The following WDR11 variants were observed in gnomAD, a reference collection of about 807,000 sequenced individuals.
WDR11 encodes the protein WD repeat-containing protein 11.
In WDR11, 83 loss-of-function variants were observed where a neutral mutation model predicts 151.2. That is an observed-to-expected ratio of 0.55 (90% CI 0.46 to 0.66). WDR11 has a LOEUF of 0.66. Ranked by LOEUF, WDR11 falls within the 30% of genes least tolerant of loss-of-function variation. The pLI, the probability that WDR11 is intolerant of heterozygous loss-of-function variation, is 0.00. For synonymous variants in WDR11, 484 were observed against 533.1 expected (o/e 0.91, Z 1.27); for missense variants, 1,301 against 1,480.9 (o/e 0.88, Z 1.99).
At position 120,900,073 on chromosome 10, in the gene WDR11, G is replaced by A; in HGVS notation, c.2560G>A (p.Ala854Thr). The change falls in exon 20 of 29, where the codon GCC (alanine) becomes ACC (threonine). Residue 854 changes from alanine (A) to threonine (T), a missense_variant. By Grantham distance (58) the Ala-to-Thr change is moderately conservative. Coordinates refer to ENST00000263461, the MANE Select transcript of WDR11 (RefSeq NM_018117.12). Reference protein sequence around the residue: ...PYLLVPRASLALKAFLLHQPW... With the variant: ...PYLLVPRASLTLKAFLLHQPW... ...TCTCCTTGTTCCAAGGGCCTCTCTT[G>A]CCTTGAAAGCCTTCTTATTACACCA... 4 of 1,614,048 alleles carry A rather than the reference G, an allele frequency of 2.5e-6. No homozygotes were observed. The highest frequency in any genetic ancestry group is 3.4e-6 in the Non-Finnish European group (4 of 1,179,990).
intron 27 of WDR11, 54 bp downstream of exon 27, chr10:120,906,075 A>G (rs757678255): frequency 1.2e-6 from 2 of 1,612,124 alleles, no homozygotes; most frequent in East Asian, 4.5e-5. Flanking sequence ...CAGTCACTTC[A>G]TGTTCTCTCG....
intron 2 of WDR11, among the ~76,000 whole-genome samples, chr10:120,855,502 T>A (rs1265246506): frequency 1.3e-5 from 2 of 152,232 alleles, no homozygotes; most frequent in African/African-American, 4.8e-5. Context: ...TTTTTCATTT[T>A]GATGTAGTCC....
chr10:120,856,615 G>A (rs1246451682), intron 2 of WDR11, among the ~76,000 whole-genome samples: 2 of 148,726 alleles, frequency 1.3e-5, no homozygotes, highest in African/African-American at 4.9e-5. Context: ...CTATCTTCAA[G>A]CTTACATAGT....
Position 120,885,814 on chromosome 10 carries a change from G to T in WDR11, c.1849G>T (p.Glu617Ter), listed in dbSNP as rs1847196520. ...SKNFPTITAL[E>*]WSPSHNLKSL... The stretch of plus-strand genomic sequence containing the variant: ...AGGTTTGTCTGCATTTGCTTTACAG[G>T]AGTGGTCACCATCTCACAACTTGAA... Residue 617 changes from glutamate (E) to a stop codon, truncating the protein, a stop_gained and splice_region_variant, in exon 15 of 29, where the codon GAG becomes TAG. Transcript: ENST00000263461. LOFTEE classifies it high-confidence loss of function. The T allele has an allele frequency of 6.2e-7, 1 of 1,613,636 alleles. No individual in the cohort carries two copies. Among genetic ancestry groups the T allele is most frequent in the South Asian group, 1.1e-5 (1 of 91,060 alleles).
intron 28 of WDR11, chr10:120,907,232 A>C (rs1329933893): frequency 3.8e-6 from 1 of 265,324 alleles, no homozygotes; most frequent in African/African-American, 2.2e-5. Flanking sequence ...TAAATTTTAT[A>C]TATTTATCTA....
chr10:120,859,692 C>A (rs1470707136), intron 3 of WDR11, among the ~76,000 whole-genome samples: 2 of 152,040 alleles, frequency 1.3e-5, no homozygotes, highest in Non-Finnish European at 2.9e-5. Flanking sequence ...TAGATCTTTG[C>A]ATATTCTGTT....
At chr10:120,871,481 T>A in intron 10 of WDR11, 135 bp downstream of exon 10, 2 of 877,354 alleles carry the variant, frequency 2.3e-6, no homozygotes, top group Non-Finnish European at 3.3e-6. Context: ...CTGTAAATAC[T>A]CATCCTGGAA....
intron 14 of WDR11, chr10:120,885,230 G>A (rs1226438439): frequency 6.5e-6 from 1 of 153,184 alleles, no homozygotes; most frequent in Non-Finnish European, 1.4e-5. Context: ...ACAGGAGGAA[G>A]AGGACTTAAA....
chr10:120,854,994 C>G (rs985384887), intron 2 of WDR11, among the ~76,000 whole-genome samples: 1 of 152,140 alleles, frequency 6.6e-6, no homozygotes, highest in African/African-American at 2.4e-5. Context: ...TACATACTTA[C>G]TTATGATAAA....
intron 1 of WDR11, 57 bp downstream of exon 1, chr10:120,851,563 G>T (rs527668426): frequency 2.5e-6 from 4 of 1,573,874 alleles, no homozygotes; most frequent in African/African-American, 1.3e-5. Flanking sequence ...TGAGGGGGAA[G>T]GGGGAAGGAC....
chr10:120,890,856 G>C lies in WDR11; in HGVS notation c.2484G>C (p.Ala828=). ...IRVLEMSMKS[A]CFRMDEQELT... ...TCCTAGAGATGTCTATGAAGTCTGC[G>C]TGCTTTAGAATGGATGAACAAGAGT... Residue 828 remains alanine (A), a synonymous_variant, in exon 19 of 29, where the codon GCG becomes GCC. Transcript: ENST00000263461. The C allele has an allele frequency of 6.2e-7, 1 of 1,614,142 alleles. No individual in the cohort carries two copies. The highest frequency in any genetic ancestry group is 8.5e-7 in the Non-Finnish European group (1 of 1,180,024).
rs1845784008 is a variant in WDR11 at position 120,851,778 on chromosome 10, A to G, written c.86+272A>G. 2.7e-5 allele frequency: 15 copies of G among 551,668 alleles called. No homozygotes were observed. In the South Asian group the frequency reaches 2.9e-4, roughly 10 times the overall value. The allele number at this position is 551,668 out of a possible 1,614,324, so 34.2% of individuals were successfully genotyped here. A position where few individuals can be genotyped will look rare whatever the true frequency, so the allele number is the denominator to read the frequency against. On this transcript the variant is annotated intron_variant, in intron 1 of 28. Coordinates refer to ENST00000263461, the MANE Select transcript of WDR11 (RefSeq NM_018117.12). ...CTGCACCTCGCCCTTTTGCCGTTCC[A>G]TTCCTCTCTCTTTTCCTCTCCTCCA...
chr10:120,894,012 T>G (rs1167658955), intron 19 of WDR11, among the ~76,000 whole-genome samples: 1 of 151,752 alleles, frequency 6.6e-6, no homozygotes, highest in African/African-American at 2.4e-5. Flanking sequence ...AGAAGCTCTT[T>G]AGTTTAATTA....
chr10:120,905,849 T>C (rs764032616), intron 26 of WDR11, 27 bp from the exon 27 acceptor site: 4 of 1,614,076 alleles, frequency 2.5e-6, no homozygotes, highest in African/African-American at 2.7e-5. Flanking sequence ...AGGATGTTTT[T>C]GTTGTTAACA....
intron 12 of WDR11, chr10:120,880,077 A>G (rs1475532758): frequency 6.6e-6 from 1 of 152,214 alleles, no homozygotes; most frequent in Non-Finnish European, 1.5e-5. Context: ...TCTTAAATAC[A>G]TGTTTCAAGA....
chr10:120,862,740 A>C lies in WDR11; in HGVS notation c.532A>C (p.Thr178Pro). The C allele has an allele frequency of 6.2e-7, 1 of 1,614,138 alleles. No individual in the cohort carries two copies. Among genetic ancestry groups the C allele is most frequent in the Non-Finnish European group, 8.5e-7 (1 of 1,180,024 alleles). ...PFDPSHLTLLTSEGIVFISDF... is the reference protein window; with the variant it reads ...PFDPSHLTLLPSEGIVFISDF... ...TTTTGCTTTTCTCAATATAGTGCTT[A>C]CCAGCGAGGGTATTGTTTTCATCTC... Residue 178 changes from threonine (T) to proline (P), a missense_variant, in exon 5 of 29, where the codon ACC becomes CCC. Coordinates refer to ENST00000263461, the MANE Select transcript of WDR11 (RefSeq NM_018117.12).
rs767746520 is a variant in WDR11, at chr10:120,890,886, C to T, written c.2514C>T (p.Thr838=). 2.5e-6 allele frequency: 4 copies of T among 1,613,962 alleles called. No homozygotes were observed. The highest frequency in any genetic ancestry group is 3.3e-5 in the Admixed American group (2 of 60,004). Residue 838 remains threonine (T), a splice_region_variant and synonymous_variant, in exon 19 of 29, where the codon ACC becomes ACT. Transcript: ENST00000263461. ...ACFRMDEQEL[T]EPVWCPYLLV... ...TTAGAATGGATGAACAAGAGTTAAC[C>T]GGTATGGAATCCTAATGATAGGGGG...
In WDR11 at chr10:120,903,106, C is replaced by T. The variant is rs1216063865; in HGVS notation, c.2805C>T (p.Tyr935=). The change falls in exon 23 of 29, where the codon TAC becomes TAT. Residue 935 remains tyrosine, a synonymous_variant. Coordinates refer to ENST00000263461, the MANE Select transcript of WDR11 (RefSeq NM_018117.12). ...ELHFWTVAAH[Y]LHSLSQEKSA... is the part of the protein sequence containing the mutation. ...ACTTCTGGACTGTCGCTGCCCACTA[C>T]CTGCACAGCTTATCCCAGGAAAAGT... 9 of 1,614,164 alleles carry T rather than the reference C, an allele frequency of 5.6e-6. No homozygotes were observed. The highest frequency in any genetic ancestry group is 7.6e-6 in the Non-Finnish European group (9 of 1,180,032).
At chr10:120,890,986 G>A in intron 19 of WDR11, 99 bp downstream of exon 19, 1 of 1,299,352 alleles carries the variant, frequency 7.7e-7, no homozygotes, top group South Asian at 1.3e-5. Flanking sequence ...TTTCATTTCA[G>A]TCTTATTTTC....
Sources: allele counts gnomAD v4.1 joint callset (sites outside exome capture counted in the v4.1 genomes callset), GRCh38; gene constraint gnomAD v4.1.1; transcripts MANE v1.5; gene names NCBI Gene and HGNC (gene_info 2026-07-23, HGNC 2026-07-21).